The following LRFN2 variants were observed in gnomAD, a reference collection of about 807,000 sequenced individuals.
The protein encoded by LRFN2 is leucine rich repeat and fibronectin type III domain containing 2.
A neutral mutation model predicts 37.3 loss-of-function variants in LRFN2; 18 were observed. That is an observed-to-expected ratio of 0.48 (90% CI 0.33 to 0.72). The LOEUF (loss-of-function observed/expected upper bound fraction) is 0.72. LRFN2 is among the 30% of genes least tolerant of loss of function. The pLI is 0.02. For synonymous variants in LRFN2, 556 were observed against 466.6 expected, an observed-to-expected ratio of 1.19 and a Z score of -2.47; for missense variants, 1,006 against 1,060.7, an observed-to-expected ratio of 0.95 and a Z score of 0.72.
At chr6:40,396,112 G>A (rs1197435780) in intron 2 of LRFN2, among the ~76,000 whole-genome samples, 1 of 152,014 alleles carries the variant, frequency 6.6e-6, no homozygotes, top group Non-Finnish European at 1.5e-5. Context: ...TAACATGAGG[G>A]CTTACTCTGT....
intron 1 of LRFN2, among the ~76,000 whole-genome samples, chr6:40,580,608 A>G (rs1036494162): frequency 1.1e-4 from 16 of 152,198 alleles, no homozygotes; most frequent in African/African-American, 3.9e-4. Flanking sequence ...AAAAGAAGAC[A>G]TGGTTTTGTC....
chr6:40,443,501 C>T (rs560491501), intron 1 of LRFN2, among the ~76,000 whole-genome samples: 11 of 152,284 alleles, frequency 7.2e-5, no homozygotes, highest in African/African-American at 2.4e-4. Flanking sequence ...TATATGCCAT[C>T]TTATCCCCAT....
intron 1 of LRFN2, among the ~76,000 whole-genome samples, chr6:40,500,784 G>A (rs1765362051): frequency 6.6e-6 from 1 of 152,088 alleles, no homozygotes; most frequent in Non-Finnish European, 1.5e-5. Context: ...GAAAACAGTG[G>A]GCCTAGAAGA....
intron 2 of LRFN2, among the ~76,000 whole-genome samples, chr6:40,419,958 G>A (rs1353249304): frequency 6.6e-6 from 1 of 152,204 alleles, no homozygotes. Context: ...TACCATTACT[G>A]ACTAATGACC....
At chr6:40,541,601 G>T (rs922439648) in intron 1 of LRFN2, among the ~76,000 whole-genome samples, 4 of 152,178 alleles carry the variant, frequency 2.6e-5, no homozygotes, top group Non-Finnish European at 4.4e-5. Context: ...AGCCTCCTCT[G>T]CCCACCCAGA....
intron 1 of LRFN2, among the ~76,000 whole-genome samples, chr6:40,448,624 G>GC (rs989984925): frequency 1.3e-5 from 2 of 152,180 alleles, no homozygotes; most frequent in African/African-American, 4.8e-5. Context: ...ATTCTACACT[G>GC]CCTTTACCAA....
chr6:40,393,369 A>G (rs7740308), intron 2 of LRFN2, among the ~76,000 whole-genome samples: 43,614 of 151,642 alleles, frequency 0.29, 6,731 homozygotes, highest in South Asian at 0.49. Flanking sequence ...GGTGAGAGAA[A>G]ATCCAGATAT....
chr6:40,461,057 C>T (rs1172084163), intron 1 of LRFN2, among the ~76,000 whole-genome samples: 1 of 152,096 alleles, frequency 6.6e-6, no homozygotes, highest in Non-Finnish European at 1.5e-5. Context: ...AGGAAGCATA[C>T]ACTATATACC....
At chr6:40,468,471 C>A (rs1025456080) in intron 1 of LRFN2, among the ~76,000 whole-genome samples, 7 of 152,144 alleles carry the variant, frequency 4.6e-5, no homozygotes, top group Admixed American at 4.6e-4. Flanking sequence ...TTTGAATGGG[C>A]GGAACTGGGC....
At chr6:40,506,558 T>C (rs1460389191) in intron 1 of LRFN2, among the ~76,000 whole-genome samples, 2 of 152,186 alleles carry the variant, frequency 1.3e-5, no homozygotes, top group East Asian at 3.8e-4. Context: ...TTTAGGATCA[T>C]GAGGAAGGTG....
Position 40,480,015 on chromosome 6 carries a change from G to A in LRFN2, c.-18-46884C>T, listed in dbSNP as rs142877298. On this transcript the variant is annotated intron_variant, in intron 1 of 2. Coordinates refer to ENST00000338305, the MANE Select transcript of LRFN2 (RefSeq NM_020737.3). ...ACACGAATCTATTTCCCCTTTTCAC[G>A]TCTTTATACGAAATCCTCATGGCCT... 2.3e-3 allele frequency among the ~76,000 whole-genome samples: 347 copies of A among 152,284 alleles called. 1 individual carries two copies. The highest frequency in any genetic ancestry group is 7.8e-3 in the African/African-American group (325 of 41,544).
At chr6:40,397,163 G>T (rs933298624) in intron 2 of LRFN2, among the ~76,000 whole-genome samples, 4 of 152,170 alleles carry the variant, frequency 2.6e-5, no homozygotes, top group Admixed American at 2.6e-4. Flanking sequence ...TCTCTGACCT[G>T]TGTCCCCCTG....
Position 40,409,029 on chromosome 6 carries a change from C to T in LRFN2, c.1401-16117G>A, listed in dbSNP as rs80117912. Among the ~76,000 whole-genome samples, 5 of 152,324 alleles carry T rather than the reference C, an allele frequency of 3.3e-5. No individual in the cohort carries two copies. In the East Asian group the frequency reaches 9.7e-4, roughly 29 times the overall value. ...AGAGAGCCCCCTCGGTAGCCACAAG[C>T]CCTCATGACTTTATCACCCCTTACA... On this transcript the variant is annotated intron_variant, in intron 2 of 2. Transcript: ENST00000338305.
chr6:40,581,881 A>G (rs1205282727), intron 1 of LRFN2, among the ~76,000 whole-genome samples: 2 of 152,226 alleles, frequency 1.3e-5, no homozygotes, highest in African/African-American at 2.4e-5. Context: ...ATCAAGGCCT[A>G]CTTTACAATT....
At position 40,507,857 on chromosome 6, in the gene LRFN2, C is replaced by CAA. The variant is rs568575086; in HGVS notation, c.-18-74728_-18-74727dup. Among the ~76,000 whole-genome samples, 304 of 152,186 alleles carry CAA rather than the reference C, an allele frequency of 2.0e-3. 2 individuals are homozygous for CAA. Among genetic ancestry groups the CAA allele is most frequent in the Non-Finnish European group, 2.6e-3 (180 of 68,048 alleles). On this transcript the variant is annotated intron_variant, in intron 1 of 2. Coordinates refer to ENST00000338305, the MANE Select transcript of LRFN2 (RefSeq NM_020737.3). ...TAAACCTCAAGCCAAAACTCAGAGA[C>CAA]AAGCACTATGATTCTTATGCTATGA...
At position 40,392,804 on chromosome 6, in the gene LRFN2, C is replaced by T. The variant is rs75499453; in HGVS notation, c.1509G>A (p.Thr503=). The stretch of plus-strand genomic sequence containing the variant: ...GGGCGCAGCCCACGATGTTGGTGGC[C>T]GTGAGTGTCGTGGCTGTGTCATCCC... ...AMWDDTATTL[T]ATNIVGCAQF... is the part of the protein sequence containing the mutation. The change falls in exon 3 of 3, where the codon ACG becomes ACA. Residue 503 remains threonine, a synonymous_variant. Transcript: ENST00000338305. The surrounding 1 kb of genome is among the most constrained non-coding windows in gnomAD (Gnocchi z 4.7). The T allele has an allele frequency of 2.3e-3, 3,701 of 1,614,004 alleles. 98 individuals are homozygous for T. The East Asian group carries it at 0.062, about 27-fold the overall frequency.
intron 1 of LRFN2, among the ~76,000 whole-genome samples, chr6:40,525,217 G>A (rs867967299): frequency 7.9e-5 from 12 of 152,148 alleles, no homozygotes; most frequent in African/African-American, 2.4e-4. Flanking sequence ...CATTCCATAG[G>A]CCACTCCCTT....
At chr6:40,573,082 A>G (rs1767215041) in intron 1 of LRFN2, among the ~76,000 whole-genome samples, 1 of 152,246 alleles carries the variant, frequency 6.6e-6, no homozygotes, top group Non-Finnish European at 1.5e-5. Flanking sequence ...CACGAAAACA[A>G]GAGTGAGAAG....
At chr6:40,571,248 C>T (rs1256745977) in intron 1 of LRFN2, among the ~76,000 whole-genome samples, 2 of 152,204 alleles carry the variant, frequency 1.3e-5, no homozygotes, top group Non-Finnish European at 2.9e-5. Context: ...ACTAGGTGCT[C>T]AGTAAACATC....
Sources: allele counts gnomAD v4.1 joint callset (sites outside exome capture counted in the v4.1 genomes callset), GRCh38; gene constraint gnomAD v4.1.1; non-coding constraint Gnocchi (gnomAD v3.1); transcripts MANE v1.5; gene names NCBI Gene and HGNC (gene_info 2026-07-23, HGNC 2026-07-21).